The following C6orf89 variants were observed in gnomAD, a reference collection of about 807,000 sequenced individuals.
The protein encoded by C6orf89 is chromosome 6 open reading frame 89.
C6orf89 carries 29 observed loss-of-function variants against 40.7 expected under a neutral mutation model. The observed-to-expected ratio is 0.71, with a 90% CI of 0.53 to 0.97. The LOEUF (loss-of-function observed/expected upper bound fraction) is 0.97. C6orf89 is among the 50% of genes least tolerant of loss of function. The pLI is 0.00. For synonymous variants in C6orf89, 165 were observed against 152.2 expected (o/e 1.08, Z -0.62); for missense variants, 392 against 429.1 (o/e 0.91, Z 0.76).
chr6:36,912,964 G>C (rs952811009), intron 4 of C6orf89, among the ~76,000 whole-genome samples: 28 of 152,198 alleles, frequency 1.8e-4, no homozygotes, highest in Non-Finnish European at 3.7e-4. Flanking sequence ...ACATTTGGTT[G>C]TCTGTTATCA....
chr6:36,915,150 A>G (rs1762270059), intron 6 of C6orf89, among the ~76,000 whole-genome samples: 2 of 152,206 alleles, frequency 1.3e-5, no homozygotes, highest in African/African-American at 4.8e-5. Context: ...GTGATGAGAG[A>G]TAAAAGGGAT....
upstream of C6orf89, chr6:36,885,818 G>T (rs1375258118): frequency 1.2e-5 from 5 of 402,854 alleles, no homozygotes; most frequent in Non-Finnish European, 2.2e-5. Flanking sequence ...CAGATATCGC[G>T]AGAGGTCCCG....
At chr6:36,901,826 A>G (rs1761731875) in intron 3 of C6orf89, among the ~76,000 whole-genome samples, 3 of 149,430 alleles carry the variant, frequency 2.0e-5, no homozygotes, top group Admixed American at 1.3e-4. Context: ...GCCCACCATC[A>G]TGCCTGGCTA....
At chr6:36,882,123 T>G (rs1163163916), upstream of C6orf89, among the ~76,000 whole-genome samples, 1 of 152,216 alleles carries the variant, frequency 6.6e-6, no homozygotes, top group Non-Finnish European at 1.5e-5. Context: ...TCATTGGATC[T>G]TGTTTGGAAA....
rs1390183671 is a variant in C6orf89, at chr6:36,885,992, C to G, written c.-156C>G. On this transcript the variant is annotated 5_prime_UTR_variant, in exon 1 of 9. Coordinates refer to ENST00000480824, the MANE Select transcript of C6orf89 (RefSeq NM_001286635.2). The stretch of plus-strand genomic sequence containing the variant: ...CTCCTCGCCCGGCGGCAGCTGTCCC[C>G]GAGGCGGGAGGAGCCCGAGGGGCGC... 2 of 1,176,292 alleles carry G rather than the reference C, an allele frequency of 1.7e-6. No individual in the cohort carries two copies. Among genetic ancestry groups the G allele is most frequent in the Non-Finnish European group, 2.1e-6 (2 of 967,774 alleles). The allele number at this position is 1,176,292 out of a possible 1,614,324, so 72.9% of individuals were successfully genotyped here. A position where few individuals can be genotyped will look rare whatever the true frequency, so the allele number is the denominator to read the frequency against.
intron 4 of C6orf89, among the ~76,000 whole-genome samples, chr6:36,905,025 G>T (rs1178385195): frequency 6.6e-6 from 1 of 152,158 alleles, no homozygotes; most frequent in African/African-American, 2.4e-5. Context: ...GAAGAATGAA[G>T]TGACTTTGCA....
intron 7 of C6orf89, 150 bp from the exon 8 acceptor site, chr6:36,919,428 T>C: frequency 2.2e-6 from 2 of 903,980 alleles, no homozygotes; most frequent in Admixed American, 2.7e-5. Context: ...TTGGACATAA[T>C]TGCAAATTTT....
Position 36,926,172 on chromosome 6 carries a change from T to TA in C6orf89, c.*2732dup, listed in dbSNP as rs1254317038. The stretch of plus-strand genomic sequence containing the variant: ...TCAAGTAGTGAATGGATACCATACT[T>TA]ATTATGGTTGATGAAAAAAGGCAGA... On this transcript the variant is annotated 3_prime_UTR_variant, in exon 9 of 9. Transcript: ENST00000480824. 1 of 152,192 alleles carries TA rather than the reference T, an allele frequency of 6.6e-6. No homozygotes were observed. The highest frequency in any genetic ancestry group is 1.5e-5 in the Non-Finnish European group (1 of 68,036). The allele number at this position is 152,192 out of a possible 1,614,324, so 9.4% of individuals were successfully genotyped here.
chr6:36,921,360 C>G (rs561248396), intron 8 of C6orf89, among the ~76,000 whole-genome samples: 2 of 152,312 alleles, frequency 1.3e-5, no homozygotes, highest in South Asian at 4.1e-4. Context: ...TGTTACAGGA[C>G]AGATGGCGGT....
At chr6:36,898,769 C>T (rs1303661373) in intron 2 of C6orf89, among the ~76,000 whole-genome samples, 2 of 151,510 alleles carry the variant, frequency 1.3e-5, no homozygotes, top group Non-Finnish European at 2.9e-5. Flanking sequence ...AATAAAATGC[C>T]CTTTATTTTC....
In C6orf89 at chr6:36,900,393, G is replaced by T. The variant is rs1761628198; in HGVS notation, c.189+760G>T. Among the ~76,000 whole-genome samples the T allele has an allele frequency of 2.0e-5, 3 of 150,844 alleles. 1 individual carries two copies. The South Asian group carries it at 6.3e-4, about 32-fold the overall frequency. ...ATTTTTGTATTTTTAGTAGAGACAG[G>T]GTTTCTCCATGTTGGTCAGGCTGGT... On this transcript the variant is annotated intron_variant, in intron 3 of 8. Transcript: ENST00000480824.
Position 36,923,486 on chromosome 6 carries a change from G to A in C6orf89, c.*45G>A. 1 of 1,442,796 alleles carries A rather than the reference G, an allele frequency of 6.9e-7. No homozygotes were observed. The highest frequency in any genetic ancestry group is 1.4e-5 in the African/African-American group (1 of 71,640). 89.4% of individuals were successfully genotyped at this position (1,442,796 alleles called of 1,614,324 possible). On this transcript the variant is annotated 3_prime_UTR_variant, in exon 9 of 9. Transcript: ENST00000480824. ...GAACAGCTTCCAGAGCCGAAAACCA[G>A]GTTGAAAGGGGAAAAATAAAAACAA...
At chr6:36,892,753 T>A (rs1761254781) in intron 1 of C6orf89, 1 of 152,240 alleles carries the variant, frequency 6.6e-6, no homozygotes, top group African/African-American at 2.4e-5. Flanking sequence ...TGATCCTGCC[T>A]GTGCCCTTGC....
Position 36,913,012 on chromosome 6 carries a change from G to A in C6orf89, c.404-1272G>A, listed in dbSNP as rs547238693. Among the ~76,000 whole-genome samples the A allele has an allele frequency of 1.2e-4, 19 of 152,294 alleles. 2 individuals are homozygous for A. In the South Asian group the frequency reaches 3.7e-3, roughly 30 times the overall value. On this transcript the variant is annotated intron_variant, in intron 4 of 8. Coordinates refer to ENST00000480824, the MANE Select transcript of C6orf89 (RefSeq NM_001286635.2). ...TCTCTCCTGATTTGGTTTCCATTGG[G>A]TTTTAATCAGAACCGTCTTCTGAAA... is the stretch of plus-strand genomic sequence containing the variant.
intron 1 of C6orf89, among the ~76,000 whole-genome samples, chr6:36,892,610 T>C (rs921945950): frequency 9.9e-5 from 15 of 152,188 alleles, no homozygotes; most frequent in African/African-American, 3.1e-4. Flanking sequence ...TGTCTCTTAA[T>C]TGGGGGTGTG....
In C6orf89 at chr6:36,923,728, T is replaced by C; in HGVS notation, c.*287T>C. 2 of 403,468 alleles carry C rather than the reference T, an allele frequency of 5.0e-6. No individual in the cohort carries two copies. The highest frequency in any genetic ancestry group is 3.6e-5 in the Admixed American group (1 of 27,908). The allele number at this position is 403,468 out of a possible 1,614,324, so 25.0% of individuals were successfully genotyped here. A position where few individuals can be genotyped will look rare whatever the true frequency, so the allele number is the denominator to read the frequency against. On this transcript the variant is annotated 3_prime_UTR_variant, in exon 9 of 9. Transcript: ENST00000480824. ...TTCCGGGCCTTTGGACACTATGACC[T>C]TGATGCTGCCCTTCAGGCAGGAAAC... is the stretch of plus-strand genomic sequence containing the variant.
chr6:36,900,277 C>T (rs1211839687), intron 3 of C6orf89, among the ~76,000 whole-genome samples: 1 of 151,564 alleles, frequency 6.6e-6, no homozygotes, highest in Admixed American at 6.6e-5. Context: ...TCTCAGCTCA[C>T]TGCAACCTCC....
chr6:36,901,289 G>GTATTATTATTAT (rs1337857767), intron 3 of C6orf89, among the ~76,000 whole-genome samples: 18 of 79,540 alleles, frequency 2.3e-4, no homozygotes, highest in African/African-American at 6.7e-4. Context: ...GCCCCTTTGT[G>GTATTATTATTAT]TATTATTATT....
At chr6:36,914,216 T>C in intron 4 of C6orf89, 68 bp from the exon 5 acceptor site, 3 of 1,329,124 alleles carry the variant, frequency 2.3e-6, no homozygotes, top group Non-Finnish European at 3.1e-6. Flanking sequence ...GTTTCATTGT[T>C]GGAGCTACTG....
Sources: gnomAD v4.1 joint callset for allele counts (sites outside exome capture counted in the v4.1 genomes callset) on GRCh38, gnomAD v4.1.1 for gene constraint, MANE v1.5 for transcripts, NCBI Gene and HGNC (gene_info 2026-07-23, HGNC 2026-07-21) for gene names.